The following FUT9 variants were observed in gnomAD, a reference collection of about 807,000 sequenced individuals.
The protein encoded by FUT9 is fucosyltransferase 9, also known as 4-galactosyl-N-acetylglucosaminide 3-alpha-L-fucosyltransferase 9.
FUT9 carries 15 observed loss-of-function variants against 29.7 expected under a neutral mutation model. The observed-to-expected ratio is 0.51, with a 90% CI of 0.34 to 0.78. FUT9 has a LOEUF of 0.78. Ranked by LOEUF, FUT9 falls within the 30% of genes least tolerant of loss-of-function variation. FUT9 has a pLI of 0.01. For synonymous variants in FUT9, 169 were observed against 153.7 expected (o/e 1.10, Z -0.74); for missense variants, 319 against 425.4 (o/e 0.75, Z 2.20).
At chr6:96,190,959 T>A (rs985277188) in intron 2 of FUT9, among the ~76,000 whole-genome samples, 2 of 152,204 alleles carry the variant, frequency 1.3e-5, no homozygotes, top group African/African-American at 4.8e-5. Flanking sequence ...AGGAGCTGCG[T>A]TCCTTTGAAG....
chr6:96,124,729 T>C (rs1772100954), intron 2 of FUT9, among the ~76,000 whole-genome samples: 1 of 152,130 alleles, frequency 6.6e-6, no homozygotes, highest in Non-Finnish European at 1.5e-5. Flanking sequence ...TGACATTCAG[T>C]TTCTGAAATA....
chr6:96,088,412 T>C (rs1771354592), intron 1 of FUT9, among the ~76,000 whole-genome samples: 1 of 152,084 alleles, frequency 6.6e-6, no homozygotes. Context: ...TGAACAATTT[T>C]AAACTTTTGT....
intron 1 of FUT9, among the ~76,000 whole-genome samples, chr6:96,094,270 C>A (rs1048659954): frequency 6.6e-6 from 1 of 152,066 alleles, no homozygotes; most frequent in African/African-American, 2.4e-5. Context: ...TGTATTCATG[C>A]TGTGTTGGTC....
chr6:96,188,188 T>C (rs1773438144), intron 2 of FUT9, among the ~76,000 whole-genome samples: 1 of 152,142 alleles, frequency 6.6e-6, no homozygotes, highest in South Asian at 2.1e-4. Context: ...AAAATAAATT[T>C]TCATTCATAT....
At chr6:96,137,814 A>G (rs1217454933) in intron 2 of FUT9, among the ~76,000 whole-genome samples, 1 of 152,138 alleles carries the variant, frequency 6.6e-6, no homozygotes, top group Non-Finnish European at 1.5e-5. Flanking sequence ...ATAAGAAGTT[A>G]AAAATAGAGG....
intron 2 of FUT9, among the ~76,000 whole-genome samples, chr6:96,191,450 C>A (rs1434541099): frequency 1.3e-5 from 2 of 152,164 alleles, no homozygotes; most frequent in Non-Finnish European, 2.9e-5. Flanking sequence ...ATGCTATAAA[C>A]ACCTCTATGC....
At chr6:96,177,412 C>T (rs750385639) in intron 2 of FUT9, among the ~76,000 whole-genome samples, 1 of 152,006 alleles carries the variant, frequency 6.6e-6, no homozygotes, top group Non-Finnish European at 1.5e-5. Flanking sequence ...CTACAACAGT[C>T]CTCCTAGATA....
chr6:96,073,244 T>G (rs189037898), intron 1 of FUT9, among the ~76,000 whole-genome samples: 80 of 152,102 alleles, frequency 5.3e-4, no homozygotes, highest in Non-Finnish European at 9.3e-4. Context: ...AGGTCAGGTG[T>G]TTGAGACCAG....
At chr6:96,117,728 A>G (rs965883877) in intron 2 of FUT9, among the ~76,000 whole-genome samples, 19 of 152,358 alleles carry the variant, frequency 1.2e-4, no homozygotes, top group African/African-American at 4.3e-4. Context: ...CCACATCAAG[A>G]AGTCTACACG....
intron 2 of FUT9, among the ~76,000 whole-genome samples, chr6:96,172,742 G>T (rs1293728430): frequency 1.3e-5 from 2 of 152,054 alleles, no homozygotes; most frequent in Non-Finnish European, 2.9e-5. Context: ...AAGATTGTCT[G>T]CACAATACAT....
At chr6:96,151,778 A>G (rs1772681210) in intron 2 of FUT9, among the ~76,000 whole-genome samples, 1 of 152,192 alleles carries the variant, frequency 6.6e-6, no homozygotes, top group Non-Finnish European at 1.5e-5. Flanking sequence ...CTTTTTCTCC[A>G]GGAAGCAACG....
chr6:96,058,955 A>G (rs994955023), intron 1 of FUT9, among the ~76,000 whole-genome samples: 12 of 152,208 alleles, frequency 7.9e-5, no homozygotes, highest in Non-Finnish European at 1.5e-4. Flanking sequence ...AATCTGATGT[A>G]TCACTTTAGA....
At chr6:96,127,743 T>C (rs1772159852) in intron 2 of FUT9, among the ~76,000 whole-genome samples, 1 of 152,204 alleles carries the variant, frequency 6.6e-6, no homozygotes, top group Non-Finnish European at 1.5e-5. Flanking sequence ...TATGAGATGG[T>C]ATCTCATGGT....
chr6:96,166,567 C>A (rs191865054), intron 2 of FUT9, among the ~76,000 whole-genome samples: 60 of 152,220 alleles, frequency 3.9e-4, no homozygotes, highest in African/African-American at 1.4e-3. Flanking sequence ...GCCATTAATT[C>A]TGGAATGCCA....
At chr6:96,046,990 C>T (rs1298674531) in intron 1 of FUT9, among the ~76,000 whole-genome samples, 1 of 152,154 alleles carries the variant, frequency 6.6e-6, no homozygotes, top group Non-Finnish European at 1.5e-5. Flanking sequence ...AAAACTTTAT[C>T]TCTGAAACTG....
intron 1 of FUT9, among the ~76,000 whole-genome samples, chr6:96,043,905 T>C (rs2127934475): frequency 6.6e-6 from 1 of 152,346 alleles, no homozygotes; most frequent in Non-Finnish European, 1.5e-5. Flanking sequence ...CAGTTGCTAG[T>C]CTTTACAAGT....
At chr6:96,173,997 C>G (rs1773159827) in intron 2 of FUT9, among the ~76,000 whole-genome samples, 1 of 151,750 alleles carries the variant, frequency 6.6e-6, no homozygotes, top group Non-Finnish European at 1.5e-5. Context: ...TTATATGAAT[C>G]AAGATTAAGA....
chr6:96,152,490 C>A (rs1053878004), intron 2 of FUT9, among the ~76,000 whole-genome samples: 7 of 152,120 alleles, frequency 4.6e-5, no homozygotes, highest in Admixed American at 1.3e-4. Flanking sequence ...TAATTAAAAG[C>A]CTTGCTCCTG....
intron 1 of FUT9, chr6:96,020,946 A>G (rs1014276489): frequency 1.3e-5 from 2 of 152,088 alleles, no homozygotes; most frequent in African/African-American, 4.8e-5. Flanking sequence ...ATGGGGCAAG[A>G]ACTGAAGTGA....
Sources: gnomAD v4.1 joint callset for allele counts (sites outside exome capture counted in the v4.1 genomes callset) on GRCh38, gnomAD v4.1.1 for gene constraint, MANE v1.5 for transcripts, NCBI Gene and HGNC (gene_info 2026-07-23, HGNC 2026-07-21) for gene names.